Variants in CDH18 observed in about 807,000 individuals in gnomAD.
CDH18 encodes the protein cadherin-18.
CDH18 carries 31 observed loss-of-function variants against 67.9 expected under a neutral mutation model. The observed-to-expected ratio is 0.46, with a 90% confidence interval of 0.34 to 0.62. The LOEUF is 0.62. Ranked by LOEUF, CDH18 falls within the 20% of genes least tolerant of loss-of-function variation. CDH18 has a pLI of 0.01. For synonymous variants in CDH18, 362 were observed against 347.2 expected (o/e 1.04, Z -0.48); for missense variants, 890 against 975.5 (o/e 0.91, Z 1.17).
At chr5:20,438,414 A>G (rs771798231) in intron 1 of CDH18, among the ~76,000 whole-genome samples, 9 of 151,324 alleles carry the variant, frequency 5.9e-5, no homozygotes, top group Non-Finnish European at 1.2e-4. Flanking sequence ...GCTACCTAAT[A>G]TTCTGCAAAG....
At chr5:19,781,447 T>G (rs919953683) in intron 3 of CDH18, among the ~76,000 whole-genome samples, 4 of 152,086 alleles carry the variant, frequency 2.6e-5, no homozygotes, top group Non-Finnish European at 5.9e-5. Flanking sequence ...AAAGATTAAT[T>G]ATAATCATAA....
At chr5:19,593,196 T>C (rs891001685) in intron 6 of CDH18, among the ~76,000 whole-genome samples, 1 of 152,126 alleles carries the variant, frequency 6.6e-6, no homozygotes, top group African/African-American at 2.4e-5. Flanking sequence ...GTGTGGTCAT[T>C]AGGTCATATA....
chr5:19,707,495 A>G (rs1250843421), intron 5 of CDH18, among the ~76,000 whole-genome samples: 2 of 152,144 alleles, frequency 1.3e-5, no homozygotes, highest in Admixed American at 1.3e-4. Flanking sequence ...TACACTAATG[A>G]TAGCTCTTGG....
At chr5:19,695,741 A>G (rs2150446068) in intron 5 of CDH18, among the ~76,000 whole-genome samples, 1 of 152,342 alleles carries the variant, frequency 6.6e-6, no homozygotes, top group South Asian at 2.1e-4. Flanking sequence ...ATTTATTGCA[A>G]GCACTATGTA....
At chr5:20,012,371 T>TC in intron 2 of CDH18, among the ~76,000 whole-genome samples, 1 of 25,600 alleles carries the variant, frequency 3.9e-5, no homozygotes. Flanking sequence ...ATTATCTTGT[T>TC]CAAAAAAAAA....
rs115548801 is a variant in CDH18, at chr5:19,673,513, G to A, written c.643+47834C>T. Among the ~76,000 whole-genome samples the A allele has an allele frequency of 1.8e-4, 27 of 151,982 alleles. No homozygotes were observed. In the East Asian group the frequency reaches 4.8e-3, roughly 27 times the overall value. On this transcript the variant is annotated intron_variant, in intron 5 of 12. Transcript: ENST00000382275. The stretch of plus-strand genomic sequence containing the variant: ...AATAAAATCTTTAAAGTAAACTAAC[G>A]TAAAGCATAAATTTGGAAAGAATTA...
At chr5:20,508,896 TAAA>T (rs1165761963) in intron 1 of CDH18, among the ~76,000 whole-genome samples, 1 of 152,114 alleles carries the variant, frequency 6.6e-6, no homozygotes, top group Non-Finnish European at 1.5e-5. Flanking sequence ...CTTAACTACC[TAAA>T]AAAGTCACAC....
chr5:19,727,248 T>C (rs1178993848), intron 4 of CDH18, among the ~76,000 whole-genome samples: 1 of 152,156 alleles, frequency 6.6e-6, no homozygotes, highest in African/African-American at 2.4e-5. Context: ...GTGACCTTCT[T>C]TAGAAATAGT....
chr5:19,885,031 G>A (rs1417003336), intron 2 of CDH18, among the ~76,000 whole-genome samples: 1 of 152,086 alleles, frequency 6.6e-6, no homozygotes, highest in African/African-American at 2.4e-5. Context: ...AAATAATAAT[G>A]TATCACTAAT....
At chr5:19,626,669 C>G (rs1240285167) in intron 5 of CDH18, among the ~76,000 whole-genome samples, 1 of 151,350 alleles carries the variant, frequency 6.6e-6, no homozygotes, top group Non-Finnish European at 1.5e-5. Context: ...CCTCACAACA[C>G]TGACATTCTA....
At chr5:19,901,163 T>C (rs529751287) in intron 2 of CDH18, among the ~76,000 whole-genome samples, 16 of 152,142 alleles carry the variant, frequency 1.1e-4, no homozygotes, top group Non-Finnish European at 2.1e-4. Flanking sequence ...AATGATGTTT[T>C]GATATAACTC....
intron 2 of CDH18, among the ~76,000 whole-genome samples, chr5:20,096,755 T>A (rs1401923978): frequency 6.6e-6 from 1 of 152,074 alleles, no homozygotes; most frequent in African/African-American, 2.4e-5. Flanking sequence ...AGAGGAAACA[T>A]TTATTTCAAA....
At chr5:19,922,056 G>T (rs926670075) in intron 2 of CDH18, among the ~76,000 whole-genome samples, 1 of 152,080 alleles carries the variant, frequency 6.6e-6, no homozygotes, top group Non-Finnish European at 1.5e-5. Flanking sequence ...ATGTGAAGGT[G>T]GAGGGGTTGG....
intron 2 of CDH18, among the ~76,000 whole-genome samples, chr5:20,138,519 C>A (rs1184577752): frequency 6.6e-6 from 1 of 152,116 alleles, no homozygotes; most frequent in Admixed American, 6.5e-5. Context: ...AAGAGGAAGT[C>A]AAATCTTCCC....
rs148802319 is a variant in CDH18, at chr5:20,069,436, G to A, written c.-517-77422C>T. Reference sequence around the variant, plus strand: ...ATTTATTTATTTATTTATTTGAGACGGAGTCTCACTCTGTCGCCCAGGCTG... The same window carrying A: ...ATTTATTTATTTATTTATTTGAGACAGAGTCTCACTCTGTCGCCCAGGCTG... On this transcript the variant is annotated intron_variant, in intron 2 of 14. Coordinates refer to the CDH18 transcript ENST00000507958. 7.2e-3 allele frequency among the ~76,000 whole-genome samples: 898 copies of A among 124,068 alleles called. 17 individuals are homozygous for A. The highest frequency in any genetic ancestry group is 0.023 in the African/African-American group (805 of 34,356). The allele number at this position is 124,068 out of a possible 152,430, so 81.4% of individuals were successfully genotyped here.
rs554863563 is a variant in CDH18 at position 20,231,362 on chromosome 5, C to T, written c.-518+24082G>A. ...CATTGGCTCGTGCCTGTAATCCCAG[C>T]GCTTTGGGAGGCTGAGGAGGGCAGA... On this transcript the variant is annotated intron_variant, in intron 2 of 14. Transcript: ENST00000507958. Among the ~76,000 whole-genome samples, 39 of 152,106 alleles carry T rather than the reference C, an allele frequency of 2.6e-4. 1 individual carries two copies. The highest frequency in any genetic ancestry group is 2.3e-3 in the Admixed American group (35 of 15,266).
intron 1 of CDH18, among the ~76,000 whole-genome samples, chr5:20,476,733 A>G (rs1752469953): frequency 6.6e-6 from 1 of 152,182 alleles, no homozygotes; most frequent in South Asian, 2.1e-4. Context: ...ACTCTGTGTT[A>G]AAAGCTTCTA....
chr5:20,533,806 G>T (rs763300620), intron 1 of CDH18, among the ~76,000 whole-genome samples: 2 of 151,820 alleles, frequency 1.3e-5, no homozygotes, highest in Non-Finnish European at 1.5e-5. Context: ...GACCTCAAAT[G>T]ATATTCATTC....
chr5:19,780,906 G>A (rs1302644321), intron 3 of CDH18, among the ~76,000 whole-genome samples: 1 of 152,022 alleles, frequency 6.6e-6, no homozygotes, highest in Non-Finnish European at 1.5e-5. Context: ...TCTTAGCAAA[G>A]AATAATGCCA....
Sources: gnomAD v4.1 joint callset for allele counts (sites outside exome capture counted in the v4.1 genomes callset) on GRCh38, gnomAD v4.1.1 for gene constraint, MANE v1.5 for transcripts, NCBI Gene and HGNC (gene_info 2026-07-23, HGNC 2026-07-21) for gene names.